Variants in HACE1 observed in about 807,000 individuals in gnomAD.
The protein encoded by HACE1 is HECT domain and ankyrin repeat containing E3 ubiquitin protein ligase 1.
Under a neutral mutation model 118.4 loss-of-function variants are expected in HACE1, and 73 were observed. That is an observed-to-expected ratio of 0.62 (90% CI 0.51 to 0.75). The LOEUF (loss-of-function observed/expected upper bound fraction) is 0.75. Ranked by LOEUF, HACE1 falls within the 30% of genes least tolerant of loss-of-function variation. HACE1 has a pLI of 0.00. For synonymous variants in HACE1, 368 were observed against 374.8 expected, an observed-to-expected ratio of 0.98 and a Z score of 0.21; for missense variants, 749 against 1,102.2, an observed-to-expected ratio of 0.68 and a Z score of 4.54.
chr6:104,859,671 G>A lies in HACE1; in HGVS notation c.-29C>T. The A allele has an allele frequency of 2.6e-6, 4 of 1,523,622 alleles. No homozygotes were observed. The South Asian group carries it at 4.9e-5, about 18-fold the overall frequency. The allele number at this position is 1,523,622 out of a possible 1,614,324, so 94.4% of individuals were successfully genotyped here. A position where few individuals can be genotyped will look rare whatever the true frequency, so the allele number is the denominator to read the frequency against. ...CGGCGCGCCCTCCGCGATCCTCCGC[G>A]ATCAGCCGCCCCACCGGCGGCCTCC... On this transcript the variant is annotated 5_prime_UTR_variant, in exon 1 of 24. Transcript: ENST00000262903.
At chr6:104,759,765 A>C (rs1779126803) in intron 19 of HACE1, among the ~76,000 whole-genome samples, 1 of 152,132 alleles carries the variant, frequency 6.6e-6, no homozygotes, top group Non-Finnish European at 1.5e-5. Context: ...TCCAGGAACT[A>C]GTTTTTTGAA....
intron 14 of HACE1, among the ~76,000 whole-genome samples, chr6:104,780,152 TATAAG>T (rs1781577925): frequency 6.6e-6 from 1 of 152,130 alleles, no homozygotes; most frequent in Admixed American, 6.5e-5. Context: ...TACTGCCCAT[TATAAG>T]ATATTAAACT....
At chr6:104,737,477 T>G (rs1484158897) in intron 22 of HACE1, among the ~76,000 whole-genome samples, 3 of 151,948 alleles carry the variant, frequency 2.0e-5, no homozygotes, top group Non-Finnish European at 2.9e-5. Flanking sequence ...GTGCGCACCG[T>G]GCGCGAGCCG....
intron 19 of HACE1, among the ~76,000 whole-genome samples, chr6:104,760,226 C>T (rs1365938231): frequency 6.6e-6 from 1 of 152,140 alleles, no homozygotes; most frequent in East Asian, 1.9e-4. Flanking sequence ...GATACCAAAG[C>T]CTGGCAGAGA....
intron 6 of HACE1, among the ~76,000 whole-genome samples, chr6:104,829,658 C>T (rs1773666786): frequency 6.6e-6 from 1 of 152,112 alleles, no homozygotes; most frequent in Non-Finnish European, 1.5e-5. Context: ...TTGCAGGTAA[C>T]TATAATTGAC....
intron 17 of HACE1, among the ~76,000 whole-genome samples, 181 bp downstream of exon 17, chr6:104,776,560 C>A (rs1217723137): frequency 6.6e-6 from 1 of 152,158 alleles, no homozygotes; most frequent in African/African-American, 2.4e-5. Context: ...ACTTATGATT[C>A]TACTACTTAT....
chr6:104,750,209 T>C (rs1777888827), intron 20 of HACE1, 132 bp downstream of exon 20: 1 of 735,256 alleles, frequency 1.4e-6, no homozygotes, highest in African/African-American at 1.8e-5. Context: ...TCTCTAAAAA[T>C]GGACATTAAA....
chr6:104,858,785 AC>A (rs1777004101), intron 1 of HACE1, among the ~76,000 whole-genome samples: 1 of 152,172 alleles, frequency 6.6e-6, no homozygotes, highest in Non-Finnish European at 1.5e-5. Context: ...GTCTCCCATC[AC>A]CACTAAAATG....
At chr6:104,786,697 C>T (rs1422224703) in intron 11 of HACE1, 1 of 150,616 alleles carries the variant, frequency 6.6e-6, no homozygotes, top group African/African-American at 2.4e-5. Flanking sequence ...ATAAGTGGTA[C>T]AGTGGTTAAA....
In HACE1 at chr6:104,791,564, G is replaced by T. The variant is rs1783027333; in HGVS notation, c.1014C>A (p.Pro338=). The T allele has an allele frequency of 1.2e-6, 2 of 1,611,360 alleles. No individual in the cohort carries two copies. Among genetic ancestry groups the T allele is most frequent in the African/African-American group, 1.3e-5 (1 of 74,970 alleles). The change falls in exon 11 of 24, where the codon CCC becomes CCA. Residue 338 remains proline (P), a synonymous_variant. Coordinates refer to ENST00000262903, the MANE Select transcript of HACE1 (RefSeq NM_020771.4). ...CHVFRIGPSS[P]SNGIDMGYNG... Reference sequence around the variant, plus strand: ...TGTAGCCCATATCAATTCCATTACTGGGGGAGGATGGACCAATTCGAAAGA... The same window carrying T: ...TGTAGCCCATATCAATTCCATTACTTGGGGAGGATGGACCAATTCGAAAGA...
rs189911843 is a variant in HACE1 at position 104,744,306 on chromosome 6, T to C, written c.2443-76A>G. The C allele has an allele frequency of 1.4e-4, 130 of 957,236 alleles. No individual in the cohort carries two copies. The East Asian group carries it at 2.8e-3, about 21-fold the overall frequency. The allele number at this position is 957,236 out of a possible 1,614,324, so 59.3% of individuals were successfully genotyped here. A position where few individuals can be genotyped will look rare whatever the true frequency, so the allele number is the denominator to read the frequency against. Reference sequence around the variant, plus strand: ...TTCTCAATACCAGAGAAATATGCAATATTCATAAAGCACATTTTATTCTAC... The same window carrying C: ...TTCTCAATACCAGAGAAATATGCAACATTCATAAAGCACATTTTATTCTAC... On this transcript the variant is annotated intron_variant, in intron 21 of 23. Coordinates refer to ENST00000262903, the MANE Select transcript of HACE1 (RefSeq NM_020771.4).
At chr6:104,851,495 A>G (rs1776202955) in intron 2 of HACE1, among the ~76,000 whole-genome samples, 2 of 152,196 alleles carry the variant, frequency 1.3e-5, no homozygotes, top group African/African-American at 4.8e-5. Flanking sequence ...GCCTTGACCA[A>G]TAAGCTGGTG....
intron 4 of HACE1, among the ~76,000 whole-genome samples, chr6:104,845,512 C>G (rs1775573463): frequency 7.2e-6 from 1 of 139,146 alleles, no homozygotes; most frequent in Non-Finnish European, 1.5e-5. Context: ...GAGTCTCACT[C>G]TGTCGCCCAG....
At chr6:104,742,829 T>C (rs1316846104) in intron 22 of HACE1, among the ~76,000 whole-genome samples, 5 of 152,140 alleles carry the variant, frequency 3.3e-5, no homozygotes, top group Admixed American at 3.3e-4. Flanking sequence ...CCCAAAGGAC[T>C]ATAAATTATG....
intron 5 of HACE1, among the ~76,000 whole-genome samples, chr6:104,840,720 T>C (rs552766551): frequency 4.5e-4 from 68 of 152,112 alleles, no homozygotes; most frequent in African/African-American, 1.5e-3. Flanking sequence ...TCCCAGCACT[T>C]TGGGAGGCCA....
intron 5 of HACE1, among the ~76,000 whole-genome samples, chr6:104,838,001 C>G (rs1157139697): frequency 1.3e-5 from 2 of 151,828 alleles, no homozygotes; most frequent in African/African-American, 4.8e-5. Flanking sequence ...ATCAACTTAA[C>G]CAAAGAAGTG....
At chr6:104,758,150 C>T (rs1468339239) in intron 19 of HACE1, among the ~76,000 whole-genome samples, 2 of 152,088 alleles carry the variant, frequency 1.3e-5, no homozygotes, top group African/African-American at 4.8e-5. Context: ...GAGAACTTCC[C>T]CAACCTAGCA....
intron 22 of HACE1, among the ~76,000 whole-genome samples, chr6:104,737,796 C>T (rs1249476442): frequency 2.0e-5 from 3 of 152,178 alleles, no homozygotes; most frequent in African/African-American, 2.4e-5. Context: ...AACAAAGCAG[C>T]GGGGAAGCCC....
intron 6 of HACE1, among the ~76,000 whole-genome samples, chr6:104,812,914 T>A (rs1258157871): frequency 6.6e-6 from 1 of 152,164 alleles, no homozygotes; most frequent in Non-Finnish European, 1.5e-5. Flanking sequence ...TTACTATCCC[T>A]CTTTACACTG....
Sources: gnomAD v4.1 joint callset for allele counts (sites outside exome capture counted in the v4.1 genomes callset) on GRCh38, gnomAD v4.1.1 for gene constraint, MANE v1.5 for transcripts, NCBI Gene and HGNC (gene_info 2026-07-23, HGNC 2026-07-21) for gene names.